Variants in UQCRC1 observed in about 807,000 individuals in gnomAD.
The protein encoded by UQCRC1 is ubiquinol-cytochrome c reductase core protein 1.
In UQCRC1, 34 loss-of-function variants were observed where a neutral mutation model predicts 58.0. That is an observed-to-expected ratio of 0.59 (90% confidence interval 0.45 to 0.78). UQCRC1 has a LOEUF of 0.78. UQCRC1 is among the 30% of genes least tolerant of loss of function. The pLI, the probability that UQCRC1 is intolerant of heterozygous loss-of-function variation, is 0.00. For synonymous variants in UQCRC1, 276 were observed against 248.8 expected (o/e 1.11, Z -1.03); for missense variants, 610 against 646.0 (o/e 0.94, Z 0.60).
chr3:48,607,198 C>T lies in UQCRC1; in HGVS notation c.211-1342G>A, dbSNP rs182093883. Among the ~76,000 whole-genome samples the T allele has an allele frequency of 3.6e-3, 545 of 152,308 alleles. 4 individuals are homozygous for T. Among genetic ancestry groups the T allele is most frequent in the African/African-American group, 0.012 (510 of 41,552 alleles). ...CTGGAACTACAGGCGCCCGCCACCA[C>T]GCCCGGCTAATTTTTTGTATTTTTA... On this transcript the variant is annotated intron_variant, in intron 2 of 12. Coordinates refer to ENST00000203407, the MANE Select transcript of UQCRC1 (RefSeq NM_003365.3).
intron 6 of UQCRC1, among the ~76,000 whole-genome samples, chr3:48,602,513 A>C (rs2046375556): frequency 6.6e-6 from 1 of 150,714 alleles, no homozygotes; most frequent in Non-Finnish European, 1.5e-5. Flanking sequence ...ATAAGCTGGG[A>C]AGCATGTTTG....
At position 48,599,281 on chromosome 3, in the gene UQCRC1, C is replaced by T. The variant is rs918969687; in HGVS notation, c.1379-89G>A. ...TGCCGCACCCAGCTCGGAGATGCTGCCCAGAGCAGCACAAGACAGGCTTTG... is the reference window on the plus strand; with the variant it reads ...TGCCGCACCCAGCTCGGAGATGCTGTCCAGAGCAGCACAAGACAGGCTTTG... On this transcript the variant is annotated intron_variant, in intron 12 of 12. Coordinates refer to ENST00000203407, the MANE Select transcript of UQCRC1 (RefSeq NM_003365.3). 10 of 1,383,982 alleles carry T rather than the reference C, an allele frequency of 7.2e-6. No individual in the cohort carries two copies. The East Asian group carries it at 2.3e-4, about 32-fold the overall frequency. 85.7% of individuals were successfully genotyped at this position (1,383,982 alleles called of 1,614,324 possible).
chr3:48,606,247 A>T (rs2046410326), intron 2 of UQCRC1, among the ~76,000 whole-genome samples: 1 of 152,272 alleles, frequency 6.6e-6, no homozygotes, highest in Admixed American at 6.5e-5. Context: ...TAAAAATTAC[A>T]CGCTGCCTTT....
chr3:48,609,250 G>T lies in UQCRC1; in HGVS notation c.122C>A (p.Ala41Glu). Reference sequence around the variant, plus strand: ...CTGCGTCTCCGGCACGAACTGGAGCGCCTGAGCGAAGGTTGCCGTACTCCG... The same window carrying T: ...CTGCGTCTCCGGCACGAACTGGAGCTCCTGAGCGAAGGTTGCCGTACTCCG... ...ALRSTATFAQALQFVPETQVS... is the reference protein window; with the variant it reads ...ALRSTATFAQELQFVPETQVS... The change falls in exon 2 of 13, where the codon GCG becomes GAG. Residue 41 changes from alanine to glutamate, a missense_variant. Ala to Glu is a moderately radical substitution (Grantham distance 107). Transcript: ENST00000203407. 1 of 1,612,764 alleles carries T rather than the reference G, an allele frequency of 6.2e-7. No individual in the cohort carries two copies. Among genetic ancestry groups the T allele is most frequent in the Non-Finnish European group, 8.5e-7 (1 of 1,179,688 alleles).
chr3:48,603,782 C>T, intron 5 of UQCRC1, 139 bp from the exon 6 acceptor site: 4 of 808,958 alleles, frequency 4.9e-6, no homozygotes, highest in Non-Finnish European at 8.0e-6. Context: ...CTCCCCAACC[C>T]CCTTCCCCTG....
At chr3:48,604,975 C>A (rs758039153) in intron 3 of UQCRC1, among the ~76,000 whole-genome samples, 195 bp from the exon 4 acceptor site, 4 of 152,150 alleles carry the variant, frequency 2.6e-5, no homozygotes, top group African/African-American at 7.2e-5. Context: ...TGGCATCATG[C>A]GCCAACAGAA....
chr3:48,604,401 T>G lies in UQCRC1; in HGVS notation c.458A>C (p.Asn153Thr), dbSNP rs752685784. ...AVELLGDIVQ[N>T]CSLEDSQIEK... ...AATCTGTGAGTCTTCCAGACTACAG[T>G]TCTGCACAATGTCACCCAGGAGCTC... Residue 153 changes from asparagine to threonine, a missense_variant, in exon 5 of 13, where the codon AAC (asparagine) becomes ACC (threonine). Physicochemically the swap from Asn to Thr is moderately conservative, Grantham distance 65. Coordinates refer to ENST00000203407, the MANE Select transcript of UQCRC1 (RefSeq NM_003365.3). The G allele has an allele frequency of 1.2e-6, 2 of 1,614,176 alleles. No individual in the cohort carries two copies. The highest frequency in any genetic ancestry group is 1.7e-6 in the Non-Finnish European group (2 of 1,180,034).
chr3:48,599,065 G>A lies in UQCRC1; in HGVS notation c.*63C>T, dbSNP rs569834408. ...CAGGTTAGAGGAGCCGAAGTGCTGT[G>A]TTTGTGGTGGGGGGGGGACCACAAA... On this transcript the variant is annotated 3_prime_UTR_variant, in exon 13 of 13. Coordinates refer to ENST00000203407, the MANE Select transcript of UQCRC1 (RefSeq NM_003365.3). 2 of 1,590,412 alleles carry A rather than the reference G, an allele frequency of 1.3e-6. No individual in the cohort carries two copies. Among genetic ancestry groups the A allele is most frequent in the Admixed American group, 1.7e-5 (1 of 59,292 alleles).
intron 4 of UQCRC1, 24 bp downstream of exon 4, chr3:48,604,627 C>T: frequency 1.9e-6 from 3 of 1,613,952 alleles, no homozygotes; most frequent in Non-Finnish European, 2.5e-6. Flanking sequence ...GCCCTCTGTC[C>T]CCGCCTCTTC....
At chr3:48,599,336 A>G (rs954832624) in intron 12 of UQCRC1, 144 bp from the exon 13 acceptor site, 2 of 973,898 alleles carry the variant, frequency 2.1e-6, no homozygotes, top group Non-Finnish European at 3.0e-6. Context: ...ACATTCCCCC[A>G]GGGGTGCTGA....
chr3:48,600,287 T>C, intron 10 of UQCRC1, 136 bp from the exon 11 acceptor site: 2 of 1,108,864 alleles, frequency 1.8e-6, no homozygotes, highest in Non-Finnish European at 2.6e-6. Flanking sequence ...CTCTCTTCTA[T>C]GGTCACCTAT....
chr3:48,600,432 G>A (rs1331701270), intron 10 of UQCRC1, 50 bp downstream of exon 10: 5 of 1,606,300 alleles, frequency 3.1e-6, no homozygotes, highest in African/African-American at 1.3e-5. Context: ...CCTTGGTGCT[G>A]TCGCTGGCAA....
chr3:48,603,421 G>A, intron 6 of UQCRC1, 143 bp downstream of exon 6: 2 of 744,514 alleles, frequency 2.7e-6, no homozygotes, highest in Non-Finnish European at 2.3e-6. Context: ...GAGAGCACAG[G>A]AGGAAGGTCA....
rs777309520 is a variant in UQCRC1 at position 48,600,526 on chromosome 3, C to T, written c.1169G>A (p.Arg390Gln). Residue 390 changes from arginine (R) to glutamine (Q), a missense_variant, in exon 10 of 13, where the codon CGG becomes CAG. By Grantham distance (43) the Arg-to-Gln change is conservative. Coordinates refer to ENST00000203407, the MANE Select transcript of UQCRC1 (RefSeq NM_003365.3). ...GGCATTTCTGAGGATGTTTTTGCCCCGGGCCACCTCACTCTCCGTGGCACT... is the reference window on the plus strand; with the variant it reads ...GGCATTTCTGAGGATGTTTTTGCCCTGGGCCACCTCACTCTCCGTGGCACT... ...CTSATESEVA[R>Q]GKNILRNALV... is the part of the protein sequence containing the mutation. The T allele has an allele frequency of 2.2e-5, 35 of 1,613,944 alleles. No homozygotes were observed. The Admixed American group carries it at 3.0e-4, about 14-fold the overall frequency.
chr3:48,599,210 A>G lies in UQCRC1; in HGVS notation c.1379-18T>C. 1 of 1,586,512 alleles carries G rather than the reference A, an allele frequency of 6.3e-7. No individual in the cohort carries two copies. Among genetic ancestry groups the G allele is most frequent in the Non-Finnish European group, 8.6e-7 (1 of 1,162,528 alleles). On this transcript the variant is annotated intron_variant, in intron 12 of 12. Coordinates refer to ENST00000203407, the MANE Select transcript of UQCRC1 (RefSeq NM_003365.3). ...AATGGGGCCTGTGGGGATAGGGTGG[A>G]GCGTCAGGGTGGGGTACCTGGCCTG...
At chr3:48,602,035 G>A (rs2046370397) in intron 6 of UQCRC1, among the ~76,000 whole-genome samples, 1 of 150,928 alleles carries the variant, frequency 6.6e-6, no homozygotes, top group African/African-American at 2.4e-5. Flanking sequence ...GCTCTGTGGT[G>A]CCACCAGTTG....
At chr3:48,601,163 G>A in intron 7 of UQCRC1, 45 bp from the exon 8 acceptor site, 1 of 1,574,072 alleles carries the variant, frequency 6.4e-7, no homozygotes, top group Non-Finnish European at 8.7e-7. Flanking sequence ...AGACTGCCAG[G>A]GGAACAGAAA....
intron 2 of UQCRC1, among the ~76,000 whole-genome samples, chr3:48,606,707 G>A (rs561660211): frequency 6.7e-6 from 1 of 149,916 alleles, no homozygotes; most frequent in East Asian, 2.0e-4. Context: ...TCGTGCCACT[G>A]CACTCCAGCC....
At chr3:48,604,925 T>C in intron 3 of UQCRC1, 145 bp from the exon 4 acceptor site, 1 of 1,232,828 alleles carries the variant, frequency 8.1e-7, no homozygotes, top group Non-Finnish European at 1.1e-6. Context: ...CCAGAGTCTG[T>C]TTACCAAGCA....
Sources: allele counts gnomAD v4.1 joint callset (sites outside exome capture counted in the v4.1 genomes callset), GRCh38; gene constraint gnomAD v4.1.1; transcripts MANE v1.5; gene names NCBI Gene and HGNC (gene_info 2026-07-23, HGNC 2026-07-21).